PTPRD: variants seen among roughly 807,000 people sequenced by gnomAD.
The protein encoded by PTPRD is receptor-type tyrosine-protein phosphatase delta.
A neutral mutation model predicts 214.5 loss-of-function variants in PTPRD; 34 were observed. The ratio of observed to expected loss-of-function variants is 0.16; its 90% CI spans 0.12 to 0.21. The LOEUF (loss-of-function observed/expected upper bound fraction) is 0.21. Ranked by LOEUF, PTPRD falls within the 10% of genes least tolerant of loss-of-function variation. The pLI is 1.00. For missense variants in PTPRD, 2,545 were observed against 2,398.7 expected (o/e 1.06, Z -1.27); for synonymous variants, 1,128 against 845.7 (o/e 1.33, Z -5.79).
At chr9:9,027,934 T>C (rs1266067675) in intron 10 of PTPRD, among the ~76,000 whole-genome samples, 1 of 151,934 alleles carries the variant, frequency 6.6e-6, no homozygotes, top group Non-Finnish European at 1.5e-5. Context: ...ATGAAAAACA[T>C]ATTAGCCACA....
At chr9:9,936,909 G>C (rs1433352994) in intron 5 of PTPRD, among the ~76,000 whole-genome samples, 2 of 147,088 alleles carry the variant, frequency 1.4e-5, no homozygotes, top group African/African-American at 5.1e-5. Flanking sequence ...AAAATGATGA[G>C]TTCATGTCCT....
chr9:8,398,715 T>G (rs992384546), intron 36 of PTPRD, among the ~76,000 whole-genome samples: 1 of 152,132 alleles, frequency 6.6e-6, no homozygotes, highest in African/African-American at 2.4e-5. Flanking sequence ...CACAGCATTC[T>G]TTCCCTCAGG....
intron 10 of PTPRD, among the ~76,000 whole-genome samples, chr9:9,109,985 G>C (rs558864900): frequency 3.9e-5 from 6 of 151,952 alleles, no homozygotes; most frequent in African/African-American, 1.5e-4. Flanking sequence ...GGTACTCAAC[G>C]AAATGAGCTT....
intron 11 of PTPRD, among the ~76,000 whole-genome samples, chr9:9,018,452 C>T (rs1162564500): frequency 6.6e-6 from 1 of 152,110 alleles, no homozygotes; most frequent in Non-Finnish European, 1.5e-5. Context: ...AAATTTCACT[C>T]CATCTATATA....
chr9:8,967,926 C>A (rs1444659313), intron 11 of PTPRD, among the ~76,000 whole-genome samples: 1 of 152,038 alleles, frequency 6.6e-6, no homozygotes, highest in Non-Finnish European at 1.5e-5. Flanking sequence ...ACGAGAGGCC[C>A]CGGTGTGTGA....
chr9:10,332,703 A>G (rs1354893728), intron 3 of PTPRD, among the ~76,000 whole-genome samples: 1 of 151,762 alleles, frequency 6.6e-6, no homozygotes. Context: ...TGAAAAAATA[A>G]AGTAAGTTTT....
At chr9:10,025,961 G>T (rs185317182) in intron 4 of PTPRD, among the ~76,000 whole-genome samples, 2 of 152,198 alleles carry the variant, frequency 1.3e-5, no homozygotes, top group Middle Eastern at 3.2e-3. Context: ...TCAAGAAAGA[G>T]AAACTAGAGA....
At chr9:8,850,930 A>T (rs1001385354) in intron 11 of PTPRD, among the ~76,000 whole-genome samples, 1 of 152,212 alleles carries the variant, frequency 6.6e-6, no homozygotes, top group African/African-American at 2.4e-5. Flanking sequence ...AACATTGAAA[A>T]CATATGTCTT....
At chr9:9,432,138 T>C (rs1202001424) in intron 8 of PTPRD, among the ~76,000 whole-genome samples, 1 of 150,844 alleles carries the variant, frequency 6.6e-6, no homozygotes, top group Non-Finnish European at 1.5e-5. Flanking sequence ...ATATCATGCA[T>C]TGTGTGAGAA....
At chr9:9,080,714 A>G (rs1052330042) in intron 10 of PTPRD, among the ~76,000 whole-genome samples, 1 of 151,742 alleles carries the variant, frequency 6.6e-6, no homozygotes, top group Non-Finnish European at 1.5e-5. Flanking sequence ...TAAAAAGCAA[A>G]TGTTCCCTTG....
At chr9:10,224,527 C>T (rs2099582362) in intron 3 of PTPRD, among the ~76,000 whole-genome samples, 2 of 152,014 alleles carry the variant, frequency 1.3e-5, no homozygotes. Context: ...TTTTTCTCTA[C>T]TTAAACACTT....
chr9:10,281,703 T>C (rs10511539), intron 3 of PTPRD, among the ~76,000 whole-genome samples: 19,844 of 152,146 alleles, frequency 0.13, 3,196 homozygotes, highest in African/African-American at 0.37. Flanking sequence ...TTGAATCCTT[T>C]GTAATACTCT....
At chr9:9,055,987 T>C (rs529643691) in intron 10 of PTPRD, among the ~76,000 whole-genome samples, 3 of 152,258 alleles carry the variant, frequency 2.0e-5, no homozygotes, top group East Asian at 1.9e-4. Flanking sequence ...ATTTGTTTTA[T>C]GTTCTGGTGA....
chr9:10,212,600 A>G (rs997394916), intron 3 of PTPRD, among the ~76,000 whole-genome samples: 1 of 152,136 alleles, frequency 6.6e-6, no homozygotes, highest in Non-Finnish European at 1.5e-5. Flanking sequence ...AGTTAGATAT[A>G]TTATCATTCA....
intron 9 of PTPRD, among the ~76,000 whole-genome samples, chr9:9,370,925 C>T (rs1194899721): frequency 6.6e-6 from 1 of 152,034 alleles, no homozygotes; most frequent in Non-Finnish European, 1.5e-5. Flanking sequence ...TATTGATTTG[C>T]ATATGTTGAA....
chr9:8,870,529 C>A (rs1045085215), intron 11 of PTPRD, among the ~76,000 whole-genome samples: 8 of 152,166 alleles, frequency 5.3e-5, no homozygotes, highest in Non-Finnish European at 1.0e-4. Context: ...TTTTGGTTCA[C>A]CACCCCAACC....
intron 2 of PTPRD, among the ~76,000 whole-genome samples, chr9:10,480,361 G>C (rs1424213186): frequency 6.6e-6 from 1 of 152,108 alleles, no homozygotes; most frequent in African/African-American, 2.4e-5. Flanking sequence ...CCTCCAGCTA[G>C]GATTATAAGG....
chr9:9,049,203 C>T (rs2099679799), intron 10 of PTPRD, among the ~76,000 whole-genome samples: 1 of 152,092 alleles, frequency 6.6e-6, no homozygotes, highest in African/African-American at 2.4e-5. Context: ...AGCCTTAAGG[C>T]ATTCAGTGGA....
At chr9:10,117,485 C>A (rs527780032) in intron 3 of PTPRD, among the ~76,000 whole-genome samples, 40 of 152,188 alleles carry the variant, frequency 2.6e-4, no homozygotes, top group Non-Finnish European at 4.9e-4. Context: ...GGGACACACT[C>A]CCTACAAAAG....
Sources: allele counts gnomAD v4.1 joint callset (sites outside exome capture counted in the v4.1 genomes callset), GRCh38; gene constraint gnomAD v4.1.1; transcripts MANE v1.5; gene names NCBI Gene and HGNC (gene_info 2026-07-23, HGNC 2026-07-21).